Variants in MBD5 observed in about 807,000 individuals in gnomAD.
The protein encoded by MBD5 is methyl-CpG binding domain protein 5.
MBD5 carries 13 observed loss-of-function variants against 117.3 expected under a neutral mutation model. The ratio of observed to expected loss-of-function variants is 0.11; its 90% CI spans 0.07 to 0.18. The LOEUF (loss-of-function observed/expected upper bound fraction) is 0.18, where lower values mean the gene tolerates loss of function less well. Among genes scored for constraint, MBD5 ranks in the 10% least tolerant of loss-of-function variants. MBD5 has a pLI of 1.00. For missense variants in MBD5, 1,879 were observed against 2,093.8 expected, an observed-to-expected ratio of 0.90 and a Z score of 2.00; for synonymous variants, 727 against 766.4, an observed-to-expected ratio of 0.95 and a Z score of 0.85.
Position 148,178,748 on chromosome 2 carries a change from G to A in MBD5, c.-876G>A. 1 of 398,446 alleles carries A rather than the reference G, an allele frequency of 2.5e-6. No individual in the cohort carries two copies. 24.7% of individuals were successfully genotyped at this position (398,446 alleles called of 1,614,324 possible). On this transcript the variant is annotated 5_prime_UTR_variant, in exon 2 of 14. Coordinates refer to ENST00000642680, the MANE Select transcript of MBD5 (RefSeq NM_001378120.1). ...CTACATGTGGGAAGTAGACATTGAAGGCTTTATGGTTTACAGACAAGATCT... is the reference window on the plus strand; with the variant it reads ...CTACATGTGGGAAGTAGACATTGAAAGCTTTATGGTTTACAGACAAGATCT...
chr2:148,418,756 C>A (rs1042274480), intron 4 of MBD5, among the ~76,000 whole-genome samples: 1 of 152,094 alleles, frequency 6.6e-6, no homozygotes, highest in African/African-American at 2.4e-5. Context: ...ATCCCATGTT[C>A]ATGAATTGGA....
At chr2:148,337,793 G>A (rs901956922) in intron 3 of MBD5, among the ~76,000 whole-genome samples, 5 of 152,102 alleles carry the variant, frequency 3.3e-5, no homozygotes, top group African/African-American at 1.2e-4. Context: ...TATTGGCAAA[G>A]GTATCTTTTT....
At chr2:148,152,042 A>G (rs999006891) in intron 1 of MBD5, among the ~76,000 whole-genome samples, 3 of 150,794 alleles carry the variant, frequency 2.0e-5, no homozygotes, top group Admixed American at 6.6e-5. Context: ...TAGGGTGTCA[A>G]TTTTGGATCT....
At chr2:148,038,945 A>G (rs1416690151) in intron 1 of MBD5, among the ~76,000 whole-genome samples, 1 of 152,118 alleles carries the variant, frequency 6.6e-6, no homozygotes, top group East Asian at 1.9e-4. Context: ...ACACTTTGAG[A>G]AGTAAATAAA....
chr2:148,488,720 A>C (rs531213471), intron 10 of MBD5, among the ~76,000 whole-genome samples: 2 of 151,822 alleles, frequency 1.3e-5, no homozygotes, highest in Non-Finnish European at 2.9e-5. Context: ...CATCCTTCCT[A>C]TACTGGAATT....
Position 148,224,500 on chromosome 2 carries a change from G to T in MBD5, c.-830-8745G>T, listed in dbSNP as rs1029244967. The stretch of plus-strand genomic sequence containing the variant: ...TGGGACTACGGGTGCACGTTGCCAC[G>T]CCTGGCTAATTTTTTTTTTTTTTTT... On this transcript the variant is annotated intron_variant, in intron 2 of 13. Transcript: ENST00000642680. Among the ~76,000 whole-genome samples the T allele has an allele frequency of 3.5e-5, 5 of 142,004 alleles. No individual in the cohort carries two copies. The South Asian group carries it at 8.9e-4, about 25-fold the overall frequency. 93.2% of individuals were successfully genotyped at this position (142,004 alleles called of 152,430 possible).
At chr2:148,434,766 T>C (rs761847502) in intron 4 of MBD5, among the ~76,000 whole-genome samples, 1 of 152,248 alleles carries the variant, frequency 6.6e-6, no homozygotes, top group Middle Eastern at 3.4e-3. Flanking sequence ...ATGTCTGTTA[T>C]GTCCGTTTGG....
chr2:148,384,729 A>ATGGTACTGGT (rs1366679142), intron 4 of MBD5, among the ~76,000 whole-genome samples: 2 of 152,100 alleles, frequency 1.3e-5, no homozygotes, highest in Admixed American at 6.6e-5. Context: ...AGGCTACAGT[A>ATGGTACTGGT]ACCAAAACAG....
In MBD5 at chr2:148,470,467, G is replaced by T. The variant is rs374451145; in HGVS notation, c.2518+6G>T. 3.2e-6 allele frequency: 5 copies of T among 1,580,840 alleles called. No homozygotes were observed. The highest frequency in any genetic ancestry group is 4.3e-6 in the Non-Finnish European group (5 of 1,165,864). On this transcript the variant is annotated splice_donor_region_variant and intron_variant, in intron 8 of 13. Coordinates refer to ENST00000642680, the MANE Select transcript of MBD5 (RefSeq NM_001378120.1). ...TCAAACAAGTTCTGAAGCAGGTATG[G>T]TTTTATTAGAAAAAAGTACCCAAAG...
intron 4 of MBD5, among the ~76,000 whole-genome samples, chr2:148,410,905 T>C (rs970073783): frequency 6.6e-6 from 1 of 152,178 alleles, no homozygotes; most frequent in Non-Finnish European, 1.5e-5. Context: ...AGGTTTGTTA[T>C]ATAGGTAAAT....
intron 2 of MBD5, among the ~76,000 whole-genome samples, chr2:148,202,771 T>C (rs763524515): frequency 6.6e-6 from 1 of 152,112 alleles, no homozygotes. Flanking sequence ...TTCATGCCAG[T>C]AATCTCACCA....
chr2:148,076,038 C>G (rs1485701538), intron 1 of MBD5, among the ~76,000 whole-genome samples: 5 of 152,032 alleles, frequency 3.3e-5, no homozygotes, highest in Non-Finnish European at 7.4e-5. Flanking sequence ...TCTTAATTTG[C>G]CCTAAAATCA....
chr2:148,207,442 G>GA (rs202166303), intron 2 of MBD5, among the ~76,000 whole-genome samples: 1,634 of 85,204 alleles, frequency 0.019, 23 homozygotes, highest in African/African-American at 0.049. Flanking sequence ...AAGTAAAAAA[G>GA]AAAAAAAAAG....
chr2:148,053,143 A>ACTG (rs1436263002), intron 1 of MBD5, among the ~76,000 whole-genome samples: 1 of 152,026 alleles, frequency 6.6e-6, no homozygotes, highest in Non-Finnish European at 1.5e-5. Flanking sequence ...TTATTGTTGA[A>ACTG]CTGTCTATTT....
At chr2:148,301,200 A>G (rs1701770343) in intron 3 of MBD5, among the ~76,000 whole-genome samples, 1 of 152,242 alleles carries the variant, frequency 6.6e-6, no homozygotes, top group South Asian at 2.1e-4. Context: ...GAAGGAAAGA[A>G]AACACATTCT....
At chr2:148,487,510 T>C (rs1350574901) in intron 10 of MBD5, among the ~76,000 whole-genome samples, 2 of 151,938 alleles carry the variant, frequency 1.3e-5, no homozygotes, top group Non-Finnish European at 2.9e-5. Context: ...CATAGTAAAA[T>C]AATTTAGAAA....
At chr2:148,445,287 T>C (rs1221182965) in intron 4 of MBD5, among the ~76,000 whole-genome samples, 19 of 149,384 alleles carry the variant, frequency 1.3e-4, no homozygotes, top group Admixed American at 1.1e-3. Context: ...CCCTCCCCGC[T>C]CCCCCCACCC....
chr2:148,143,529 G>T (rs1397869085), intron 1 of MBD5, among the ~76,000 whole-genome samples: 1 of 152,074 alleles, frequency 6.6e-6, no homozygotes, highest in Non-Finnish European at 1.5e-5. Flanking sequence ...ACAATGTGCA[G>T]GTTTGTTACA....
intron 1 of MBD5, among the ~76,000 whole-genome samples, chr2:148,148,319 G>C (rs1249694211): frequency 1.3e-5 from 2 of 152,192 alleles, no homozygotes; most frequent in East Asian, 3.8e-4. Flanking sequence ...TCAGCTGCTA[G>C]TTTACACAGC....
Sources: gnomAD v4.1 joint callset for allele counts (sites outside exome capture counted in the v4.1 genomes callset) on GRCh38, gnomAD v4.1.1 for gene constraint, MANE v1.5 for transcripts, NCBI Gene and HGNC (gene_info 2026-07-23, HGNC 2026-07-21) for gene names.